The following GRHPR variants were observed in gnomAD, a reference collection of about 807,000 sequenced individuals.
The protein encoded by GRHPR is glyoxylate and hydroxypyruvate reductase, also known as glyoxylate reductase/hydroxypyruvate reductase.
A neutral mutation model predicts 36.8 loss-of-function variants in GRHPR; 35 were observed. The observed-to-expected ratio is 0.95, with a 90% CI of 0.73 to 1.26. The LOEUF is 1.26. Ranked by LOEUF, GRHPR falls within the 50% of genes most tolerant of loss-of-function variation. The pLI, the probability that GRHPR is intolerant of heterozygous loss-of-function variation, is 0.00. For missense variants in GRHPR, 380 were observed against 435.0 expected (o/e 0.87, Z 1.12); for synonymous variants, 179 against 181.0 (o/e 0.99, Z 0.09).
chr9:37,436,992 A>C (rs1219127334), downstream of GRHPR: 2 of 539,472 alleles, frequency 3.7e-6, no homozygotes, highest in Non-Finnish European at 6.7e-6. Flanking sequence ...TCTCTGAGAG[A>C]CCGTCTTGGC....
At chr9:37,429,010 A>G (rs138389592) in intron 5 of GRHPR, 222 of 331,138 alleles carry the variant, frequency 6.7e-4, no homozygotes, top group African/African-American at 4.2e-3. Flanking sequence ...CAGATGAGGC[A>G]GAGACACTTT....
chr9:37,439,465 A>G (rs1384640680), downstream of GRHPR: 1 of 152,244 alleles, frequency 6.6e-6, no homozygotes, highest in African/African-American at 2.4e-5. Flanking sequence ...AAAGTATAGT[A>G]TATAACAGTA....
At chr9:37,432,686 C>A in intron 8 of GRHPR, 1 of 184,656 alleles carries the variant, frequency 5.4e-6, no homozygotes, top group East Asian at 1.4e-4. Context: ...TCCAAAACAA[C>A]AACAACAACA....
intron 8 of GRHPR, chr9:37,434,408 A>G: frequency 1.9e-6 from 1 of 522,530 alleles, no homozygotes; most frequent in Non-Finnish European, 3.4e-6. Context: ...TAGTATGGAG[A>G]ATGTCAAGGG....
chr9:37,437,373 G>A (rs947745140), downstream of GRHPR, among the ~76,000 whole-genome samples: 4 of 152,042 alleles, frequency 2.6e-5, no homozygotes, highest in Admixed American at 2.0e-4. Context: ...TTATTGGAAC[G>A]TGTCCAAACC....
chr9:37,428,096 T>C (rs938445276), intron 4 of GRHPR: 1 of 348,892 alleles, frequency 2.9e-6, no homozygotes, highest in Non-Finnish European at 5.6e-6. Flanking sequence ...GCCCTGTGGC[T>C]GTACTCTTTG....
At chr9:37,424,703 C>A in intron 1 of GRHPR, 142 bp from the exon 2 acceptor site, 2 of 920,966 alleles carry the variant, frequency 2.2e-6, no homozygotes, top group Non-Finnish European at 3.3e-6. Context: ...GTTCTGAGAC[C>A]ACCCCTGCCT....
At position 37,425,245 on chromosome 9, in the gene GRHPR, C is replaced by G. The variant is rs2235096; in HGVS notation, c.214+270C>G. ...AAGTGCATCCAAGGCCCTGGGTTCT[C>G]CAGCCCTGCCACAACCTTGCTCTGT... is the stretch of plus-strand genomic sequence containing the variant. On this transcript the variant is annotated intron_variant, in intron 2 of 8. Transcript: ENST00000318158. Among the ~76,000 whole-genome samples, 62,117 of 152,174 alleles carry G rather than the reference C, an allele frequency of 0.41. 14,323 individuals are homozygous for G. The highest frequency in any genetic ancestry group is 0.53 in the Non-Finnish European group (36,265 of 67,958).
Position 37,431,992 on chromosome 9 carries a change from C to T in GRHPR, c.735-16C>T. 2 of 1,613,860 alleles carry T rather than the reference C, an allele frequency of 1.2e-6. No individual in the cohort carries two copies. The highest frequency in any genetic ancestry group is 1.7e-6 in the Non-Finnish European group (2 of 1,179,782). On this transcript the variant is annotated splice_polypyrimidine_tract_variant and intron_variant, in intron 7 of 8. Coordinates refer to ENST00000318158, the MANE Select transcript of GRHPR (RefSeq NM_012203.2). ...AGGGATCTTCGGGGTACCCATGTCACCACTGTCATTCCCAGGGGCGACGTC... is the reference window on the plus strand; with the variant it reads ...AGGGATCTTCGGGGTACCCATGTCATCACTGTCATTCCCAGGGGCGACGTC...
intron 7 of GRHPR, 166 bp from the exon 8 acceptor site, chr9:37,431,842 C>CT: frequency 4.5e-6 from 3 of 669,446 alleles, no homozygotes; most frequent in Non-Finnish European, 5.2e-6. Flanking sequence ...CTGGAGTTCT[C>CT]TGAGTATATA....
chr9:37,426,436 C>G, intron 3 of GRHPR, 102 bp from the exon 4 acceptor site: 1 of 837,356 alleles, frequency 1.2e-6, no homozygotes, highest in Non-Finnish European at 2.1e-6. Context: ...TCCTGGCAGG[C>G]AGATCAAAGA....
intron 8 of GRHPR, chr9:37,434,928 GGATT>G (rs1564304324): frequency 6.6e-6 from 1 of 152,252 alleles, no homozygotes; most frequent in African/African-American, 2.4e-5. Context: ...GTGAGTGAGC[GGATT>G]TATTCTGATT....
chr9:37,435,720 C>A (rs1243189273), intron 8 of GRHPR, among the ~76,000 whole-genome samples: 1 of 152,032 alleles, frequency 6.6e-6, no homozygotes, highest in Non-Finnish European at 1.5e-5. Context: ...GACCCTATTA[C>A]AATAATGATA....
intron 8 of GRHPR, chr9:37,433,783 A>C: frequency 3.0e-6 from 1 of 334,900 alleles, no homozygotes; most frequent in Non-Finnish European, 5.4e-6. Context: ...AGATCTGTTC[A>C]GGTAGCTGGT....
Position 37,430,590 on chromosome 9 carries a change from CA to C in GRHPR, c.680del (p.Asn227ThrfsTer8). 1 of 1,613,408 alleles carries C rather than the reference CA, an allele frequency of 6.2e-7. No homozygotes were observed. Among genetic ancestry groups the C allele is most frequent in the Non-Finnish European group, 8.5e-7 (1 of 1,179,344 alleles). ...TAACACCTGCAACCGAGGGACTCTG[CA>C]ACAAGGACTTCTTCCAGAAGATGAA... ...SLTPATEGLC[N>X]KDFFQKMKET... On this transcript the variant is annotated frameshift_variant, in exon 7 of 9. Transcript: ENST00000318158. LOFTEE classifies it high-confidence loss of function.
At chr9:37,437,220 C>T (rs1823715967), downstream of GRHPR, among the ~76,000 whole-genome samples, 1 of 151,966 alleles carries the variant, frequency 6.6e-6, no homozygotes, top group South Asian at 2.1e-4. Flanking sequence ...TTTAAATCAC[C>T]ACTACACTTA....
At chr9:37,427,335 G>T (rs1026475938) in intron 4 of GRHPR, among the ~76,000 whole-genome samples, 2 of 152,158 alleles carry the variant, frequency 1.3e-5, no homozygotes, top group Non-Finnish European at 1.5e-5. Context: ...ACTAACAGGA[G>T]ACTATTTAAG....
chr9:37,436,902 G>A lies in GRHPR; in HGVS notation c.*120G>A, dbSNP rs994262985. ...GAAGGTGTGATTCTCTGAGGAAAGA[G>A]TGATTCTGATATATGTACTTGTCAC... On this transcript the variant is annotated 3_prime_UTR_variant, in exon 9 of 9. Transcript: ENST00000318158. 8.1e-6 allele frequency: 9 copies of A among 1,107,534 alleles called. No individual in the cohort carries two copies. The highest frequency in any genetic ancestry group is 1.2e-5 in the Non-Finnish European group (9 of 723,766). The allele number at this position is 1,107,534 out of a possible 1,614,324, so 68.6% of individuals were successfully genotyped here.
chr9:37,434,359 T>G (rs1277035712), intron 8 of GRHPR: 1 of 484,380 alleles, frequency 2.1e-6, no homozygotes, highest in Non-Finnish European at 3.7e-6. Context: ...GCGGCCCCTG[T>G]GGGGAACAAT....
Sources: gnomAD v4.1 joint callset for allele counts (sites outside exome capture counted in the v4.1 genomes callset) on GRCh38, gnomAD v4.1.1 for gene constraint, MANE v1.5 for transcripts, NCBI Gene and HGNC (gene_info 2026-07-23, HGNC 2026-07-21) for gene names.